PEX5L: variants seen among roughly 807,000 people sequenced by gnomAD.
PEX5L encodes PEX5-related protein.
A neutral mutation model predicts 84.0 loss-of-function variants in PEX5L; 30 were observed. The observed-to-expected ratio is 0.36, with a 90% confidence interval of 0.27 to 0.48. The LOEUF is 0.48. PEX5L is among the 20% of genes least tolerant of loss of function. The probability of loss-of-function intolerance (pLI) is 0.99; values close to 1 mark genes in which losing one functional copy is unlikely to be tolerated. For synonymous variants in PEX5L, 270 were observed against 283.1 expected (o/e 0.95, Z 0.46); for missense variants, 533 against 754.6 (o/e 0.71, Z 3.44).
chr3:179,925,627 A>T (rs1478306645), intron 2 of PEX5L, among the ~76,000 whole-genome samples: 1 of 152,258 alleles, frequency 6.6e-6, no homozygotes, highest in Non-Finnish European at 1.5e-5. Context: ...TTTGACACAG[A>T]ATCATTGCTG....
intron 8 of PEX5L, among the ~76,000 whole-genome samples, chr3:179,840,221 T>G (rs997236871): frequency 1.5e-5 from 2 of 136,014 alleles, no homozygotes; most frequent in African/African-American, 5.5e-5. Flanking sequence ...GGAGTTACTC[T>G]CTTGTCTCCC....
intron 1 of PEX5L, among the ~76,000 whole-genome samples, chr3:179,984,241 C>T (rs1786594499): frequency 6.6e-6 from 1 of 152,010 alleles, no homozygotes; most frequent in Non-Finnish European, 1.5e-5. Flanking sequence ...GAAAAATCTA[C>T]TGCAAAAGAT....
At chr3:180,011,577 C>T (rs1449002706) in intron 1 of PEX5L, among the ~76,000 whole-genome samples, 2 of 152,090 alleles carry the variant, frequency 1.3e-5, no homozygotes, top group African/African-American at 2.4e-5. Context: ...AATTTAAAAA[C>T]GTGGAAAAAA....
chr3:180,023,376 A>C (rs1790591021), intron 1 of PEX5L, among the ~76,000 whole-genome samples: 1 of 152,216 alleles, frequency 6.6e-6, no homozygotes, highest in Non-Finnish European at 1.5e-5. Context: ...GCTTTACAGG[A>C]AAATGTCTTA....
chr3:179,907,638 A>G (rs1175873293), intron 2 of PEX5L, among the ~76,000 whole-genome samples: 1 of 152,146 alleles, frequency 6.6e-6, no homozygotes, highest in East Asian at 1.9e-4. Flanking sequence ...TAAAGATGAA[A>G]AAAACTGTAT....
chr3:180,024,421 T>G (rs1406786973), intron 1 of PEX5L, among the ~76,000 whole-genome samples: 1 of 141,712 alleles, frequency 7.1e-6, no homozygotes, highest in Non-Finnish European at 1.5e-5. Flanking sequence ...GGCAGGCGCC[T>G]GTAGTCCCAG....
intron 5 of PEX5L, among the ~76,000 whole-genome samples, chr3:179,876,338 A>T (rs913248852): frequency 1.3e-5 from 2 of 151,958 alleles, no homozygotes; most frequent in African/African-American, 2.4e-5. Context: ...TACTAAATAA[A>T]AAAAAAAAAT....
intron 1 of PEX5L, among the ~76,000 whole-genome samples, chr3:179,994,193 C>G (rs1787644444): frequency 6.6e-6 from 1 of 152,164 alleles, no homozygotes; most frequent in African/African-American, 2.4e-5. Context: ...ACAAGCCGAG[C>G]CATTCCAGAC....
At chr3:179,948,872 G>A (rs1778322128) in intron 2 of PEX5L, among the ~76,000 whole-genome samples, 1 of 152,226 alleles carries the variant, frequency 6.6e-6, no homozygotes, top group Non-Finnish European at 1.5e-5. Context: ...TGGCAACTAA[G>A]AAGTTTTTTA....
chr3:179,849,876 T>C (rs1577579850), intron 8 of PEX5L, among the ~76,000 whole-genome samples: 1 of 152,218 alleles, frequency 6.6e-6, no homozygotes, highest in East Asian at 1.9e-4. Context: ...AAACTACTTT[T>C]TGGTCTGGAG....
At chr3:179,894,181 T>A (rs1483991734) in intron 3 of PEX5L, among the ~76,000 whole-genome samples, 1 of 152,126 alleles carries the variant, frequency 6.6e-6, no homozygotes, top group African/African-American at 2.4e-5. Flanking sequence ...TTATTCGGTG[T>A]CTGTCAATAT....
intron 2 of PEX5L, among the ~76,000 whole-genome samples, chr3:179,899,271 T>TC (rs1760441122): frequency 6.6e-6 from 1 of 152,120 alleles, no homozygotes; most frequent in Non-Finnish European, 1.5e-5. Flanking sequence ...CTTAAATACT[T>TC]TAAAAACAAA....
At chr3:179,880,189 C>T in intron 4 of PEX5L, 66 bp from the exon 5 acceptor site, 1 of 972,572 alleles carries the variant, frequency 1.0e-6, no homozygotes, top group East Asian at 2.5e-5. Context: ...AAATAGGTTT[C>T]AGTTGGGTAC....
At chr3:179,901,147 A>G (rs1352392632) in intron 2 of PEX5L, among the ~76,000 whole-genome samples, 3 of 152,226 alleles carry the variant, frequency 2.0e-5, no homozygotes, top group African/African-American at 7.2e-5. Context: ...TGATGACAAT[A>G]TAACTGTGCA....
At chr3:179,860,542 A>G (rs1745708646) in intron 7 of PEX5L, among the ~76,000 whole-genome samples, 1 of 152,180 alleles carries the variant, frequency 6.6e-6, no homozygotes, top group South Asian at 2.1e-4. Context: ...GTAATTCTGA[A>G]AAGCAGTCAT....
intron 1 of PEX5L, among the ~76,000 whole-genome samples, chr3:180,034,602 AC>A (rs1358694135): frequency 1.3e-5 from 2 of 152,158 alleles, no homozygotes; most frequent in Non-Finnish European, 1.5e-5. Flanking sequence ...AGATCATCAT[AC>A]TATTGAATAA....
intron 2 of PEX5L, among the ~76,000 whole-genome samples, chr3:179,935,122 G>C (rs1009163164): frequency 1.3e-5 from 2 of 149,474 alleles, no homozygotes; most frequent in Non-Finnish European, 3.0e-5. Flanking sequence ...AGACTTACTC[G>C]AGTCCTGACT....
At chr3:180,015,120 C>T (rs576352227) in intron 1 of PEX5L, among the ~76,000 whole-genome samples, 1 of 152,168 alleles carries the variant, frequency 6.6e-6, no homozygotes, top group African/African-American at 2.4e-5. Flanking sequence ...GCAGAAAGGG[C>T]TCTGTCTCAT....
rs546011979 is a variant in PEX5L, at chr3:179,958,629, CTTTT to C, written c.93+12961_93+12964del. On this transcript the variant is annotated intron_variant, in intron 2 of 14. Transcript: ENST00000467460. ...TCTTGGTCTCCCTCATTTATGCTTT[CTTTT>C]TGTTACAATTTGTTTTACAGGACTG... Among the ~76,000 whole-genome samples the C allele has an allele frequency of 5.0e-3, 756 of 152,224 alleles. 4 individuals carry two copies. The highest frequency in any genetic ancestry group is 0.014 in the Admixed American group (220 of 15,298).
Sources: gnomAD v4.1 joint callset for allele counts (sites outside exome capture counted in the v4.1 genomes callset) on GRCh38, gnomAD v4.1.1 for gene constraint, MANE v1.5 for transcripts, NCBI Gene and HGNC (gene_info 2026-07-23, HGNC 2026-07-21) for gene names.